The following HPCAL1 variants were observed in gnomAD, a reference collection of about 807,000 sequenced individuals.
HPCAL1 encodes the protein hippocalcin-like protein 1.
HPCAL1 carries 8 observed loss-of-function variants against 17.1 expected under a neutral mutation model. The observed-to-expected ratio is 0.47, with a 90% CI of 0.27 to 0.84. The LOEUF (loss-of-function observed/expected upper bound fraction) is 0.84, where lower values mean the gene tolerates loss of function less well. HPCAL1 is among the 40% of genes least tolerant of loss of function. The pLI is 0.13. For missense variants in HPCAL1, 165 were observed against 271.1 expected (o/e 0.61, Z 2.75); for synonymous variants, 112 against 111.4 (o/e 1.01, Z -0.03).
At position 10,343,791 on chromosome 2, in the gene HPCAL1, G is replaced by A. The variant is rs1050454159; in HGVS notation, c.-111+40614G>A. Among the ~76,000 whole-genome samples, 5 of 152,314 alleles carry A rather than the reference G, an allele frequency of 3.3e-5. No individual in the cohort carries two copies. Among genetic ancestry groups the A allele is most frequent in the African/African-American group, 4.8e-5 (2 of 41,562 alleles). ...TTTCTGCTGTTCTCTTGTGCTGGGCGTGGCTCAGGGCTGAGGGGAGAGAGG... is the reference window on the plus strand; with the variant it reads ...TTTCTGCTGTTCTCTTGTGCTGGGCATGGCTCAGGGCTGAGGGGAGAGAGG... On this transcript the variant is annotated intron_variant, in intron 1 of 4. Transcript: ENST00000307845. This position sits in a 1 kb window ranked among gnomAD's most constrained non-coding sequence, Gnocchi z 4.8.
intron 1 of HPCAL1, among the ~76,000 whole-genome samples, chr2:10,315,578 G>T (rs895242897): frequency 3.9e-5 from 6 of 152,258 alleles, no homozygotes; most frequent in East Asian, 3.9e-4. Flanking sequence ...TCTTGTTATG[G>T]TTAGACTGGC....
chr2:10,305,242 T>G (rs920730836), intron 1 of HPCAL1, among the ~76,000 whole-genome samples: 8 of 151,774 alleles, frequency 5.3e-5, no homozygotes, highest in Non-Finnish European at 1.0e-4. Flanking sequence ...AAAAAAAAAA[T>G]CAGTCTGGCT....
intron 2 of HPCAL1, among the ~76,000 whole-genome samples, chr2:10,415,812 C>T (rs2148015530): frequency 6.6e-6 from 1 of 152,344 alleles, no homozygotes; most frequent in South Asian, 2.1e-4. Context: ...ATGCCTTTCC[C>T]CTGTGCCCCG....
At position 10,408,039 on chromosome 2, in the gene HPCAL1, A is replaced by G. The variant is rs1330919761; in HGVS notation, c.-25+11119A>G. Among the ~76,000 whole-genome samples the G allele has an allele frequency of 5.3e-5, 8 of 152,192 alleles. No homozygotes were observed. In the East Asian group the frequency reaches 1.5e-3, roughly 29 times the overall value. On this transcript the variant is annotated intron_variant, in intron 2 of 4. Transcript: ENST00000307845. ...TGAGGCGAGCGTGCCACACGGGTGA[A>G]CTCATATCTGCAGAGGCACAAGGTG...
chr2:10,312,896 C>T lies in HPCAL1; in HGVS notation c.-111+9719C>T, dbSNP rs529746307. Among the ~76,000 whole-genome samples the T allele has an allele frequency of 3.8e-3, 579 of 152,252 alleles. 7 individuals carry two copies. Among genetic ancestry groups the T allele is most frequent in the African/African-American group, 0.013 (535 of 41,546 alleles). The stretch of plus-strand genomic sequence containing the variant: ...CCACCACCATCACCATCACTATCAT[C>T]GTCATCATCATCACTGTCACCACCA... On this transcript the variant is annotated intron_variant, in intron 1 of 4. Transcript: ENST00000307845.
Position 10,377,918 on chromosome 2 carries a change from A to ACGAAGGAGGGCT in HPCAL1, c.-110-18917_-110-18916insCGAAGGAGGGCT, listed in dbSNP as rs112393883. 7.5e-3 allele frequency among the ~76,000 whole-genome samples: 1,145 copies of ACGAAGGAGGGCT among 152,250 alleles called. 4 individuals carry two copies. Among genetic ancestry groups the ACGAAGGAGGGCT allele is most frequent in the Middle Eastern group, 0.034 (10 of 294 alleles). On this transcript the variant is annotated intron_variant, in intron 1 of 4. Transcript: ENST00000307845. The surrounding 1 kb of genome is among the most constrained non-coding windows in gnomAD (Gnocchi z 5.9). ...CAGGGAGGGCATTTCAGAGAGTGCAAGGAGGCGGCGAAGATGCTGGTTGAG... is the reference window on the plus strand; with the variant it reads ...CAGGGAGGGCATTTCAGAGAGTGCAACGAAGGAGGGCTGGAGGCGGCGAAGATGCTGGTTGAG...
At position 10,390,699 on chromosome 2, in the gene HPCAL1, G is replaced by A. The variant is rs114007208; in HGVS notation, c.-110-6136G>A. Among the ~76,000 whole-genome samples the A allele has an allele frequency of 5.2e-3, 799 of 152,284 alleles. 10 individuals carry two copies. Among genetic ancestry groups the A allele is most frequent in the African/African-American group, 0.019 (775 of 41,560 alleles). On this transcript the variant is annotated intron_variant, in intron 1 of 4. Coordinates refer to ENST00000307845, the MANE Select transcript of HPCAL1 (RefSeq NM_002149.4). ...GCCTGGGCAAGAGGTTGGATACTGG[G>A]AGGAAGAAGCTTTTCCAGTACCCTT...
At chr2:10,399,578 C>G (rs1379533617) in intron 2 of HPCAL1, among the ~76,000 whole-genome samples, 3 of 140,120 alleles carry the variant, frequency 2.1e-5, no homozygotes, top group African/African-American at 8.3e-5. Flanking sequence ...CCACCACCAC[C>G]GCCACCGCCA....
At chr2:10,361,271 AG>A (rs1666510076) in intron 1 of HPCAL1, among the ~76,000 whole-genome samples, 1 of 151,366 alleles carries the variant, frequency 6.6e-6, no homozygotes, top group Non-Finnish European at 1.5e-5. Context: ...AGAGAGAGAG[AG>A]AGAGAGAGAG....
chr2:10,329,581 G>A (rs1301157123), intron 1 of HPCAL1, among the ~76,000 whole-genome samples: 3 of 152,236 alleles, frequency 2.0e-5, no homozygotes, highest in Admixed American at 6.5e-5. Context: ...CACAGTCTCC[G>A]TGGGACCTGT....
chr2:10,353,997 A>T (rs546213435), intron 1 of HPCAL1, among the ~76,000 whole-genome samples: 115 of 152,314 alleles, frequency 7.6e-4, no homozygotes, highest in African/African-American at 2.6e-3. Flanking sequence ...TTGAGGGACT[A>T]TTTTAATGGT....
rs761350076 is a variant in HPCAL1, at chr2:10,345,045, CTCTCTCTCTTTCTG to C, written c.-111+41878_-111+41891del. Among the ~76,000 whole-genome samples, 151 of 151,994 alleles carry C rather than the reference CTCTCTCTCTTTCTG, an allele frequency of 9.9e-4. 1 individual carries two copies. In the Middle Eastern group the frequency reaches 0.02, roughly 21 times the overall value. Reference sequence around the variant, plus strand: ...CCTCTCTCTATGTGTCTGTTTCTCTCTCTCTCTCTTTCTGTCTCTCTCTGTGCCTGTCTTGCAGT... The same window carrying C: ...CCTCTCTCTATGTGTCTGTTTCTCTCTCTCTCTCTGTGCCTGTCTTGCAGT... On this transcript the variant is annotated intron_variant, in intron 1 of 4. Transcript: ENST00000307845.
rs567425013 is a variant in HPCAL1, at chr2:10,344,458, G to A, written c.-111+41281G>A. On this transcript the variant is annotated intron_variant, in intron 1 of 4. Coordinates refer to ENST00000307845, the MANE Select transcript of HPCAL1 (RefSeq NM_002149.4). The surrounding 1 kb of genome is among the most constrained non-coding windows in gnomAD (Gnocchi z 4.9). ...CTGTTAAGCGCATGCACCAAGCGGC[G>A]ATTCCATAGTTGTATAGTGATTGTC... is the stretch of plus-strand genomic sequence containing the variant. 1.3e-5 allele frequency among the ~76,000 whole-genome samples: 2 copies of A among 152,290 alleles called. No homozygotes were observed. The highest frequency in any genetic ancestry group is 2.1e-4 in the South Asian group (1 of 4,824).
chr2:10,324,475 T>C lies in HPCAL1; in HGVS notation c.-111+21298T>C, dbSNP rs112288217. On this transcript the variant is annotated intron_variant, in intron 1 of 4. Coordinates refer to ENST00000307845, the MANE Select transcript of HPCAL1 (RefSeq NM_002149.4). ...CAGTCCCTTCCCCTTTTGCCTCAGT[T>C]TCCTCGCTTTGGGGATAGCCATTGC... The C allele has an allele frequency of 1.4e-3, 216 of 152,344 alleles. 2 individuals are homozygous for C. Among genetic ancestry groups the C allele is most frequent in the African/African-American group, 4.8e-3 (200 of 41,588 alleles). 9.4% of individuals were successfully genotyped at this position (152,344 alleles called of 1,614,324 possible). A position where few individuals can be genotyped will look rare whatever the true frequency, so the allele number is the denominator to read the frequency against.
chr2:10,316,763 C>T (rs2125394641), intron 1 of HPCAL1, among the ~76,000 whole-genome samples: 1 of 152,286 alleles, frequency 6.6e-6, no homozygotes, highest in South Asian at 2.1e-4. Context: ...CCAGAAGTTG[C>T]CTTTGCTACT....
In HPCAL1 at chr2:10,403,454, TTGTGTGTGTGTG is replaced by T. The variant is rs70948890; in HGVS notation, c.-25+6573_-25+6584del. 3.7e-3 allele frequency among the ~76,000 whole-genome samples: 243 copies of T among 65,052 alleles called. 1 individual carries two copies. The highest frequency in any genetic ancestry group is 5.8e-3 in the Middle Eastern group (1 of 172). The allele number at this position is 65,052 out of a possible 152,430, so 42.7% of individuals were successfully genotyped here. A position where few individuals can be genotyped will look rare whatever the true frequency, so the allele number is the denominator to read the frequency against. ...GATGCCCTCATAACAAAGAGTTCTT[TTGTGTGTGTGTG>T]TGTGTGTGTGTGTGTGTGTGTGTGT... On this transcript the variant is annotated intron_variant, in intron 2 of 4. Coordinates refer to ENST00000307845, the MANE Select transcript of HPCAL1 (RefSeq NM_002149.4).
chr2:10,399,532 C>T lies in HPCAL1; in HGVS notation c.-25+2612C>T, dbSNP rs1489153458. Among the ~76,000 whole-genome samples, 4 of 111,980 alleles carry T rather than the reference C, an allele frequency of 3.6e-5. 1 individual carries two copies. Among genetic ancestry groups the T allele is most frequent in the African/African-American group, 1.7e-4 (4 of 24,116 alleles). The allele number at this position is 111,980 out of a possible 152,430, so 73.5% of individuals were successfully genotyped here. On this transcript the variant is annotated intron_variant, in intron 2 of 4. Coordinates refer to ENST00000307845, the MANE Select transcript of HPCAL1 (RefSeq NM_002149.4). ...ACCACCGCCGCCACCACCGCCACTG[C>T]CACCGCCACCATCACCGCCACCACT...
At position 10,420,028 on chromosome 2, in the gene HPCAL1, G is replaced by T. The variant is rs1445794974; in HGVS notation, c.271G>T (p.Val91Leu). 30 of 1,613,984 alleles carry T rather than the reference G, an allele frequency of 1.9e-5. No individual in the cohort carries two copies. The highest frequency in any genetic ancestry group is 2.5e-5 in the Non-Finnish European group (30 of 1,180,018). Residue 91 changes from valine (V) to leucine (L), a missense_variant, in exon 3 of 5, where the codon GTG (valine) becomes TTG (leucine). Coordinates refer to ENST00000307845, the MANE Select transcript of HPCAL1 (RefSeq NM_002149.4). ...DFREFIIALS[V>L]TSRGKLEQKL... ...CCGGGAGTTCATCATTGCGCTGAGC[G>T]TGACCTCGCGGGGCAAGCTGGAGCA...
chr2:10,391,779 C>T (rs574790885), intron 1 of HPCAL1, among the ~76,000 whole-genome samples: 6 of 152,334 alleles, frequency 3.9e-5, no homozygotes, highest in South Asian at 4.1e-4. Flanking sequence ...GACAGAGTCT[C>T]GCTCTGTTGC....
Sources: gnomAD v4.1 joint callset for allele counts (sites outside exome capture counted in the v4.1 genomes callset) on GRCh38, gnomAD v4.1.1 for gene constraint, Gnocchi (gnomAD v3.1) non-coding constraint, MANE v1.5 for transcripts, NCBI Gene and HGNC (gene_info 2026-07-23, HGNC 2026-07-21) for gene names.